CMIP: variants seen among roughly 807,000 people sequenced by gnomAD.
CMIP encodes the protein C-Maf-inducing protein.
In CMIP, 13 loss-of-function variants were observed where a neutral mutation model predicts 97.3. The observed-to-expected ratio is 0.13, with a 90% CI of 0.09 to 0.21. The LOEUF (loss-of-function observed/expected upper bound fraction) is 0.21, where lower values mean the gene tolerates loss of function less well. CMIP is among the 10% of genes least tolerant of loss of function. The pLI is 1.00. For missense variants in CMIP, 847 were observed against 1,024.9 expected, an observed-to-expected ratio of 0.83 and a Z score of 2.37; for synonymous variants, 538 against 436.3, an observed-to-expected ratio of 1.23 and a Z score of -2.91.
chr16:81,498,025 TGTTCATTCATTCATGCATGCATGTGTTG>T (rs905101621), intron 1 of CMIP, among the ~76,000 whole-genome samples: 9 of 152,270 alleles, frequency 5.9e-5, no homozygotes, highest in African/African-American at 2.2e-4. Context: ...TTTGTTGGTC[TGTTCATTCATTCATGCATGCATGTGTTG>T]GTTCATTCAT....
chr16:81,542,050 G>A (rs752260944), intron 1 of CMIP, among the ~76,000 whole-genome samples: 3 of 152,044 alleles, frequency 2.0e-5, no homozygotes, highest in Non-Finnish European at 4.4e-5. Context: ...TAAAATGGTC[G>A]TGCCCCACCC....
intron 1 of CMIP, among the ~76,000 whole-genome samples, chr16:81,529,156 G>C (rs1443625950): frequency 6.6e-6 from 1 of 152,214 alleles, no homozygotes; most frequent in Non-Finnish European, 1.5e-5. Context: ...CGGATATAAG[G>C]GGGGAAGAAG....
intron 14 of CMIP, 34 bp from the exon 15 acceptor site, chr16:81,699,651 T>G: frequency 7.0e-7 from 1 of 1,429,258 alleles, no homozygotes; most frequent in Non-Finnish European, 9.8e-7. Context: ...ACTGGGTGTC[T>G]CTGTCCCTTC....
chr16:81,700,768 G>A (rs1907306121), intron 15 of CMIP, among the ~76,000 whole-genome samples: 2 of 152,254 alleles, frequency 1.3e-5, no homozygotes, highest in African/African-American at 4.8e-5. Flanking sequence ...AGGCCAGGGT[G>A]GCTGGAACAC....
chr16:81,577,210 C>T (rs1163825179), intron 1 of CMIP, among the ~76,000 whole-genome samples: 1 of 148,422 alleles, frequency 6.7e-6, no homozygotes, highest in African/African-American at 2.6e-5. Context: ...TCATAACCAT[C>T]ACCTTTATCA....
intron 3 of CMIP, among the ~76,000 whole-genome samples, chr16:81,624,289 C>G (rs543455499): frequency 3.3e-5 from 5 of 152,088 alleles, no homozygotes; most frequent in Admixed American, 3.3e-4. Context: ...TATATATGTG[C>G]CATGTTGGTG....
chr16:81,579,369 C>A (rs960290563), intron 1 of CMIP, among the ~76,000 whole-genome samples: 1 of 152,178 alleles, frequency 6.6e-6, no homozygotes, highest in Non-Finnish European at 1.5e-5. Context: ...TCTTGAGCCA[C>A]CACAAATCCA....
At chr16:81,633,717 G>A (rs1163934204) in intron 3 of CMIP, among the ~76,000 whole-genome samples, 9 of 152,224 alleles carry the variant, frequency 5.9e-5, no homozygotes, top group Admixed American at 5.9e-4. Context: ...TTGCTGGCAC[G>A]TGGCAGCAGA....
intron 1 of CMIP, among the ~76,000 whole-genome samples, chr16:81,601,975 G>A (rs2091665743): frequency 1.3e-5 from 2 of 152,214 alleles, no homozygotes; most frequent in Admixed American, 6.5e-5. Context: ...TGGCAACAAC[G>A]TAAAACGTGC....
chr16:81,628,570 G>A (rs1448717429), intron 3 of CMIP, among the ~76,000 whole-genome samples: 4 of 152,218 alleles, frequency 2.6e-5, no homozygotes, highest in Non-Finnish European at 4.4e-5. Flanking sequence ...TCACACAGCT[G>A]TTCAATGGCT....
intron 1 of CMIP, chr16:81,476,355 C>G: frequency 1.5e-6 from 2 of 1,363,720 alleles, no homozygotes; most frequent in Admixed American, 1.7e-5. Flanking sequence ...CTGGAATGTT[C>G]CTGTGAAAGC....
At chr16:81,509,528 A>C (rs1224485053) in intron 1 of CMIP, among the ~76,000 whole-genome samples, 1 of 151,932 alleles carries the variant, frequency 6.6e-6, no homozygotes, top group African/African-American at 2.4e-5. Flanking sequence ...AATGACTTTC[A>C]TGTTGGTGCC....
rs543494262 is a variant in CMIP at position 81,479,475 on chromosome 16, A to C, written c.300+33934A>C. 4.4e-4 allele frequency among the ~76,000 whole-genome samples: 67 copies of C among 152,230 alleles called. 1 individual carries two copies. The highest frequency in any genetic ancestry group is 6.8e-3 in the Middle Eastern group (2 of 294). ...AGAACTTTCTCATCTTCTCAAACTGAAACTGTCCCCATTAAATGTTAACTC... is the reference window on the plus strand; with the variant it reads ...AGAACTTTCTCATCTTCTCAAACTGCAACTGTCCCCATTAAATGTTAACTC... On this transcript the variant is annotated intron_variant, in intron 1 of 20. Coordinates refer to ENST00000537098, the MANE Select transcript of CMIP (RefSeq NM_198390.3).
In CMIP at chr16:81,453,629, C is replaced by T. The variant is rs940868270; in HGVS notation, c.300+8088C>T. Among the ~76,000 whole-genome samples, 6 of 152,210 alleles carry T rather than the reference C, an allele frequency of 3.9e-5. No individual in the cohort carries two copies. The highest frequency in any genetic ancestry group is 1.2e-4 in the African/African-American group (5 of 41,448). ...GAGGCTCTGCAGGGAAGGAGAGCCA[C>T]GGGTATGGAAGGGGCTGTGTGTTCC... On this transcript the variant is annotated intron_variant, in intron 1 of 20. Transcript: ENST00000537098. This position sits in a 1 kb window ranked among gnomAD's most constrained non-coding sequence, Gnocchi z 4.0.
intron 1 of CMIP, among the ~76,000 whole-genome samples, chr16:81,507,624 G>A (rs1043118585): frequency 6.6e-6 from 1 of 152,198 alleles, no homozygotes; most frequent in African/African-American, 2.4e-5. Context: ...TTGGTGAAGG[G>A]AGAAAAGGTG....
intron 10 of CMIP, among the ~76,000 whole-genome samples, chr16:81,688,926 C>A (rs530360784): frequency 5.9e-4 from 90 of 152,270 alleles, no homozygotes; most frequent in African/African-American, 2.1e-3. Context: ...TCTGTCCTTG[C>A]GATAGTTTGC....
chr16:81,581,977 T>G (rs1300676322), intron 1 of CMIP, among the ~76,000 whole-genome samples: 1 of 152,164 alleles, frequency 6.6e-6, no homozygotes, highest in Non-Finnish European at 1.5e-5. Flanking sequence ...CATGGCAGCA[T>G]CAGCTTCTGG....
chr16:81,570,187 G>C (rs897810320), intron 1 of CMIP, among the ~76,000 whole-genome samples: 1 of 152,198 alleles, frequency 6.6e-6, no homozygotes, highest in Non-Finnish European at 1.5e-5. Flanking sequence ...GTGTTTTTTA[G>C]AAATTTCCAC....
At chr16:81,674,048 G>A (rs1466688223) in intron 9 of CMIP, among the ~76,000 whole-genome samples, 1 of 152,174 alleles carries the variant, frequency 6.6e-6, no homozygotes, top group East Asian at 1.9e-4. Context: ...TGATAAATCA[G>A]GGGCTGTTTT....
Sources: gnomAD v4.1 joint callset for allele counts (sites outside exome capture counted in the v4.1 genomes callset) on GRCh38, gnomAD v4.1.1 for gene constraint, Gnocchi (gnomAD v3.1) non-coding constraint, MANE v1.5 for transcripts, NCBI Gene and HGNC (gene_info 2026-07-23, HGNC 2026-07-21) for gene names.